Variants in CACNA1E observed in about 807,000 individuals in gnomAD.
CACNA1E encodes calcium voltage-gated channel subunit alpha1 E.
A neutral mutation model predicts 259.2 loss-of-function variants in CACNA1E; 40 were observed. The ratio of observed to expected loss-of-function variants is 0.15; its 90% CI spans 0.12 to 0.20. The LOEUF is 0.20. Among genes scored for constraint, CACNA1E ranks in the 10% least tolerant of loss-of-function variants. CACNA1E has a pLI of 1.00. For missense variants in CACNA1E, 1,874 were observed against 3,040.1 expected (o/e 0.62, Z 9.02); for synonymous variants, 1,104 against 1,138.5 (o/e 0.97, Z 0.61).
At chr1:181,746,439 G>A (rs753776944) in intron 25 of CACNA1E, among the ~76,000 whole-genome samples, 10 of 152,202 alleles carry the variant, frequency 6.6e-5, no homozygotes, top group Non-Finnish European at 1.2e-4. Flanking sequence ...AGCAACCTTG[G>A]TGTTCTGATT....
intron 1 of CACNA1E, among the ~76,000 whole-genome samples, chr1:181,386,006 A>G (rs1215011307): frequency 6.6e-6 from 1 of 152,340 alleles, no homozygotes; most frequent in South Asian, 2.1e-4. Flanking sequence ...GTTCTCATGT[A>G]ATTTGCAAAC....
At position 181,774,032 on chromosome 1, in the gene CACNA1E, C is replaced by T. The variant is rs185474237; in HGVS notation, c.5139+1801C>T. ...CTACAGAGATTTACTGATGCCTCTA[C>T]GATGTGCCCGAGGCCTTGTGCTGGA... On this transcript the variant is annotated intron_variant, in intron 37 of 47. Coordinates refer to ENST00000367573, the MANE Select transcript of CACNA1E (RefSeq NM_001205293.3). 5.9e-5 allele frequency among the ~76,000 whole-genome samples: 9 copies of T among 152,314 alleles called. No individual in the cohort carries two copies. In the East Asian group the frequency reaches 1.5e-3, roughly 26 times the overall value.
chr1:181,376,346 A>C (rs1247051954), intron 1 of CACNA1E, among the ~76,000 whole-genome samples: 4 of 152,238 alleles, frequency 2.6e-5, no homozygotes, highest in African/African-American at 9.6e-5. Context: ...TCTGGCGCAG[A>C]GGCAAGAAAG....
chr1:181,386,791 G>C (rs2102018455), intron 1 of CACNA1E, among the ~76,000 whole-genome samples: 1 of 152,282 alleles, frequency 6.6e-6, no homozygotes, highest in Middle Eastern at 3.4e-3. Flanking sequence ...AGGCCCTTCT[G>C]CAACTCTTAA....
In CACNA1E at chr1:181,704,699, A is replaced by G. The variant is rs142431231; in HGVS notation, c.1056-6255A>G. Reference sequence around the variant, plus strand: ...AGTAGTGTGGATAAACAGATCTTTGAGTCACACAGGCCAGCCCATCCTGGC... The same window carrying G: ...AGTAGTGTGGATAAACAGATCTTTGGGTCACACAGGCCAGCCCATCCTGGC... On this transcript the variant is annotated intron_variant, in intron 7 of 47. Transcript: ENST00000367573. 1.1e-3 allele frequency among the ~76,000 whole-genome samples: 174 copies of G among 152,230 alleles called. 1 individual carries two copies. Among genetic ancestry groups the G allele is most frequent in the East Asian group, 9.7e-3 (50 of 5,178 alleles).
chr1:181,378,803 G>A (rs1260733683), intron 1 of CACNA1E, among the ~76,000 whole-genome samples: 1 of 152,146 alleles, frequency 6.6e-6, no homozygotes, highest in Non-Finnish European at 1.5e-5. Flanking sequence ...ACTATGTCTA[G>A]AGCAAACATC....
Position 181,541,406 on chromosome 1 carries a change from C to A in CACNA1E, c.512+29896C>A, listed in dbSNP as rs114066571. Among the ~76,000 whole-genome samples the A allele has an allele frequency of 4.4e-3, 671 of 151,268 alleles. 2 individuals carry two copies. The highest frequency in any genetic ancestry group is 8.0e-3 in the Non-Finnish European group (540 of 67,894). On this transcript the variant is annotated intron_variant, in intron 3 of 47. Coordinates refer to ENST00000367573, the MANE Select transcript of CACNA1E (RefSeq NM_001205293.3). ...AATAGGATTTCAGGAGCTAGAGGTA[C>A]TAGGAGTTATGAATCTCCCCATTAG...
intron 7 of CACNA1E, among the ~76,000 whole-genome samples, chr1:181,658,139 G>A (rs992689086): frequency 6.6e-6 from 1 of 152,226 alleles, no homozygotes; most frequent in Non-Finnish European, 1.5e-5. Context: ...TAGATGTGGT[G>A]CCAACAAAAG....
chr1:181,687,456 A>T (rs1650697272), intron 7 of CACNA1E, among the ~76,000 whole-genome samples: 1 of 152,130 alleles, frequency 6.6e-6, no homozygotes. Flanking sequence ...AAGTCTGAGA[A>T]GGTGTTACAC....
At chr1:181,409,930 A>C (rs1414229306) in intron 1 of CACNA1E, among the ~76,000 whole-genome samples, 2 of 152,150 alleles carry the variant, frequency 1.3e-5, no homozygotes, top group Non-Finnish European at 2.9e-5. Flanking sequence ...GAAATCATGT[A>C]AGGAGAGAGG....
chr1:181,731,867 T>C (rs1387737826), intron 19 of CACNA1E, among the ~76,000 whole-genome samples: 1 of 152,104 alleles, frequency 6.6e-6, no homozygotes, highest in Non-Finnish European at 1.5e-5. Context: ...CAAGACTTTT[T>C]GTAATAAGTC....
intron 2 of CACNA1E, among the ~76,000 whole-genome samples, chr1:181,466,273 T>C (rs1436444957): frequency 6.6e-6 from 1 of 152,178 alleles, no homozygotes; most frequent in African/African-American, 2.4e-5. Flanking sequence ...CTGGGCATGG[T>C]GGCTCATGCC....
At chr1:181,404,803 A>C (rs570921833) in intron 1 of CACNA1E, among the ~76,000 whole-genome samples, 2 of 152,236 alleles carry the variant, frequency 1.3e-5, no homozygotes, top group South Asian at 4.1e-4. Flanking sequence ...ATCTGACCAG[A>C]AGGGGCCAGG....
chr1:181,464,692 C>A (rs1462149956), intron 2 of CACNA1E, among the ~76,000 whole-genome samples: 1 of 150,792 alleles, frequency 6.6e-6, no homozygotes, highest in Admixed American at 6.6e-5. Context: ...CTTTATAATC[C>A]ATATGCCTTT....
In CACNA1E at chr1:181,739,135, A is replaced by G. The variant is rs1330912630; in HGVS notation, c.3613-12A>G. ...TTCTTGGCTCACTGTGGCTGTTCAT[A>G]TCCTTCTGCAGATGATAGACCAAGG... On this transcript the variant is annotated splice_polypyrimidine_tract_variant and intron_variant, in intron 24 of 47. Transcript: ENST00000367573. 3.2e-6 allele frequency: 5 copies of G among 1,543,930 alleles called. No individual in the cohort carries two copies. The East Asian group carries it at 1.1e-4, about 35-fold the overall frequency.
chr1:181,529,777 T>C (rs1265106954), intron 3 of CACNA1E, among the ~76,000 whole-genome samples: 1 of 152,238 alleles, frequency 6.6e-6, no homozygotes, highest in Non-Finnish European at 1.5e-5. Flanking sequence ...AATGGCTGTA[T>C]TCCCCCAATA....
At chr1:181,490,058 G>A (rs1300086974) in intron 1 of CACNA1E, among the ~76,000 whole-genome samples, 1 of 152,170 alleles carries the variant, frequency 6.6e-6, no homozygotes, top group African/African-American at 2.4e-5. Flanking sequence ...GTTTCTTAGT[G>A]TTAAGGTTAT....
chr1:181,595,126 T>C (rs1653032473), intron 6 of CACNA1E, among the ~76,000 whole-genome samples: 1 of 152,250 alleles, frequency 6.6e-6, no homozygotes, highest in African/African-American at 2.4e-5. Flanking sequence ...AAGTGTTTTC[T>C]TGATATGAAA....
Position 181,721,739 on chromosome 1 carries a change from T to C in CACNA1E, c.1957-19T>C. ...CTCCAGCCCAGGTTTCTGATGCGCC[T>C]GTCATTTGCTTTTTGTAGATCCTGA... is the stretch of plus-strand genomic sequence containing the variant. On this transcript the variant is annotated intron_variant, in intron 15 of 47. Coordinates refer to ENST00000367573, the MANE Select transcript of CACNA1E (RefSeq NM_001205293.3). The C allele has an allele frequency of 6.5e-7, 1 of 1,529,968 alleles. No individual in the cohort carries two copies. Among genetic ancestry groups the C allele is most frequent in the Non-Finnish European group, 9.1e-7 (1 of 1,104,212 alleles). 94.8% of individuals were successfully genotyped at this position (1,529,968 alleles called of 1,614,324 possible). A position where few individuals can be genotyped will look rare whatever the true frequency, so the allele number is the denominator to read the frequency against.
Sources: gnomAD v4.1 joint callset for allele counts (sites outside exome capture counted in the v4.1 genomes callset) on GRCh38, gnomAD v4.1.1 for gene constraint, MANE v1.5 for transcripts, NCBI Gene and HGNC (gene_info 2026-07-23, HGNC 2026-07-21) for gene names.